Variants in RNF130 observed in about 807,000 individuals in gnomAD.
RNF130 encodes E3 ubiquitin-protein ligase RNF130.
A neutral mutation model predicts 44.6 loss-of-function variants in RNF130; 21 were observed. The ratio of observed to expected loss-of-function variants is 0.47; its 90% CI spans 0.33 to 0.68. The LOEUF (loss-of-function observed/expected upper bound fraction) is 0.68. Among genes scored for constraint, RNF130 ranks in the 30% least tolerant of loss-of-function variants. The probability of loss-of-function intolerance (pLI) is 0.02; values close to 1 mark genes in which losing one functional copy is unlikely to be tolerated. For synonymous variants in RNF130, 214 were observed against 210.4 expected (o/e 1.02, Z -0.15); for missense variants, 479 against 560.6 (o/e 0.85, Z 1.47).
exon 8 of RNF130, chr5:179,913,708 G>A (rs1432525125): frequency 6.6e-6 from 1 of 152,222 alleles, no homozygotes; most frequent in African/African-American, 2.4e-5. Flanking sequence ...AAAAAAGAGG[G>A]TGAACCTTTA....
At position 179,966,808 on chromosome 5, in the gene RNF130, G is replaced by T; in HGVS notation, c.1148C>A (p.Thr383Lys). ...CCTGAGCGGAGGCCCCCACTTACTT[G>T]TTACTGCAATGTTGATTTCTCCTGT... ...PRTGEINIAV[T>K]KEWFIIASFG... Residue 383 changes from threonine to lysine, a missense_variant and splice_region_variant, in exon 7 of 9, where the codon ACA becomes AAA. Transcript: ENST00000521389. 1 of 1,613,236 alleles carries T rather than the reference G, an allele frequency of 6.2e-7. No homozygotes were observed. The highest frequency in any genetic ancestry group is 8.5e-7 in the Non-Finnish European group (1 of 1,179,614).
At chr5:180,043,803 T>A (rs1239611211) in intron 1 of RNF130, among the ~76,000 whole-genome samples, 4 of 152,072 alleles carry the variant, frequency 2.6e-5, no homozygotes, top group Non-Finnish European at 4.4e-5. Context: ...ATTCATCTAA[T>A]CATCATCCAT....
chr5:179,973,258 C>T (rs1379819020), intron 5 of RNF130, among the ~76,000 whole-genome samples: 1 of 152,162 alleles, frequency 6.6e-6, no homozygotes, highest in Non-Finnish European at 1.5e-5. Flanking sequence ...GGTGGCTGTT[C>T]TCTTCACCCA....
At chr5:180,019,252 C>T (rs1014303202) in intron 2 of RNF130, among the ~76,000 whole-genome samples, 5 of 151,822 alleles carry the variant, frequency 3.3e-5, no homozygotes, top group African/African-American at 7.3e-5. Flanking sequence ...GGCGTGGTGG[C>T]GGGCACCTGT....
intron 7 of RNF130, among the ~76,000 whole-genome samples, chr5:179,924,345 A>G (rs1197836371): frequency 1.3e-5 from 2 of 150,410 alleles, no homozygotes; most frequent in Non-Finnish European, 3.0e-5. Context: ...AAAACACAAA[A>G]TTAGCCAGAC....
chr5:179,944,933 T>C (rs1762016218), intron 7 of RNF130, among the ~76,000 whole-genome samples: 1 of 152,152 alleles, frequency 6.6e-6, no homozygotes, highest in Non-Finnish European at 1.5e-5. Flanking sequence ...GTGGCAAAGC[T>C]TTATTTTATC....
At chr5:180,027,147 G>A (rs749877440) in intron 2 of RNF130, among the ~76,000 whole-genome samples, 29 of 152,172 alleles carry the variant, frequency 1.9e-4, no homozygotes, top group African/African-American at 6.3e-4. Flanking sequence ...GGAGCAGGAC[G>A]GGGTGAAAGC....
chr5:180,019,684 A>G (rs1763829067), intron 2 of RNF130, among the ~76,000 whole-genome samples: 1 of 152,250 alleles, frequency 6.6e-6, no homozygotes, highest in African/African-American at 2.4e-5. Flanking sequence ...TAGGAAATGA[A>G]TATAGCAATA....
chr5:179,944,057 C>A (rs185157405), intron 7 of RNF130, among the ~76,000 whole-genome samples: 1 of 151,744 alleles, frequency 6.6e-6, no homozygotes, highest in Non-Finnish European at 1.5e-5. Flanking sequence ...CTGCAACCTC[C>A]GCCTCCTGGG....
chr5:180,021,133 T>C (rs1446599743), intron 2 of RNF130, among the ~76,000 whole-genome samples: 2 of 152,018 alleles, frequency 1.3e-5, no homozygotes, highest in Non-Finnish European at 2.9e-5. Context: ...ACCCGGCTCA[T>C]TTTTTTGTAT....
downstream of RNF130, among the ~76,000 whole-genome samples, chr5:179,951,709 A>G (rs1414078242): frequency 1.3e-5 from 2 of 152,200 alleles, no homozygotes; most frequent in African/African-American, 4.8e-5. Context: ...AATCATACAA[A>G]GTATGTTCTC....
At position 179,920,793 on chromosome 5, in the gene RNF130, A is replaced by T. The variant is rs916207312; in HGVS notation, c.1151-367T>A. ...GGCATATATATTTATATATATATAT[A>T]TATTTTTTTTTTTGAGATGGAGTTT... is the stretch of plus-strand genomic sequence containing the variant. On this transcript the variant is annotated intron_variant, in intron 7 of 7. Transcript: ENST00000522208. 3.7e-3 allele frequency among the ~76,000 whole-genome samples: 505 copies of T among 137,320 alleles called. 4 individuals are homozygous for T. Among genetic ancestry groups the T allele is most frequent in the African/African-American group, 0.015 (446 of 30,690 alleles). The allele number at this position is 137,320 out of a possible 152,430, so 90.1% of individuals were successfully genotyped here.
intron 5 of RNF130, among the ~76,000 whole-genome samples, chr5:179,974,703 G>A (rs1268462826): frequency 1.3e-5 from 2 of 152,250 alleles, no homozygotes; most frequent in East Asian, 3.8e-4. Context: ...GAGGGCGATG[G>A]CTTTGAAAGA....
intron 4 of RNF130, among the ~76,000 whole-genome samples, chr5:179,978,703 C>CAG (rs1402073118): frequency 1.3e-5 from 2 of 152,098 alleles, no homozygotes; most frequent in Non-Finnish European, 2.9e-5. Flanking sequence ...TAAGTACAGA[C>CAG]AGGAAAGATG....
At chr5:179,937,753 G>A (rs1446880423) in intron 7 of RNF130, among the ~76,000 whole-genome samples, 2 of 152,108 alleles carry the variant, frequency 1.3e-5, no homozygotes, top group African/African-American at 4.8e-5. Context: ...GCAAACCAAT[G>A]TTCACAGTAT....
At chr5:180,024,168 A>C (rs1475879614) in intron 2 of RNF130, among the ~76,000 whole-genome samples, 4 of 152,250 alleles carry the variant, frequency 2.6e-5, no homozygotes, top group African/African-American at 9.6e-5. Context: ...AGTCTAAAAA[A>C]GTATCACAGC....
In RNF130 at chr5:180,038,208, T is replaced by C. The variant is rs193036814; in HGVS notation, c.442+2245A>G. ...CAGCTGGGACTACAGGAATGCACCA[T>C]CACACCTGCTAATTTTTGTATTTTT... On this transcript the variant is annotated intron_variant, in intron 2 of 8. Transcript: ENST00000521389. Among the ~76,000 whole-genome samples the C allele has an allele frequency of 2.6e-3, 397 of 151,792 alleles. 1 individual carries two copies. The highest frequency in any genetic ancestry group is 4.2e-3 in the Non-Finnish European group (286 of 67,888).
At chr5:180,025,980 A>G (rs1763975636) in intron 2 of RNF130, among the ~76,000 whole-genome samples, 1 of 152,170 alleles carries the variant, frequency 6.6e-6, no homozygotes, top group African/African-American at 2.4e-5. Context: ...TTGTATTCAC[A>G]GTGAATTTTC....
chr5:180,065,630 G>A (rs1287235788), intron 1 of RNF130, among the ~76,000 whole-genome samples: 1 of 151,942 alleles, frequency 6.6e-6, no homozygotes, highest in Non-Finnish European at 1.5e-5. Flanking sequence ...TGTGGTGGTG[G>A]GCACCTGTAA....
Sources: gnomAD v4.1 joint callset for allele counts (sites outside exome capture counted in the v4.1 genomes callset) on GRCh38, gnomAD v4.1.1 for gene constraint, MANE v1.5 for transcripts, NCBI Gene and HGNC (gene_info 2026-07-23, HGNC 2026-07-21) for gene names.